Variants in ZFP69B observed in about 807,000 individuals in gnomAD.
ZFP69B encodes the protein ZFP69 zinc finger protein B.
ZFP69B carries 20 observed loss-of-function variants against 19.7 expected under a neutral mutation model. The observed-to-expected ratio is 1.02, with a 90% CI of 0.71 to 1.48. ZFP69B has a LOEUF of 1.48. Among genes scored for constraint, ZFP69B ranks in the 40% most tolerant of loss-of-function variants. The pLI is 0.00. For synonymous variants in ZFP69B, 220 were observed against 222.7 expected (o/e 0.99, Z 0.11); for missense variants, 583 against 632.6 (o/e 0.92, Z 0.84).
chr1:40,457,118 A>G, intron 3 of ZFP69B, 47 bp downstream of exon 3: 1 of 1,579,192 alleles, frequency 6.3e-7, no homozygotes, highest in Non-Finnish European at 8.6e-7. Flanking sequence ...ATTGGATGAA[A>G]ACCTTTGTTT....
At chr1:40,457,633 T>A (rs1396572325) in intron 4 of ZFP69B, among the ~76,000 whole-genome samples, 194 bp downstream of exon 4, 2 of 152,226 alleles carry the variant, frequency 1.3e-5, no homozygotes, top group Non-Finnish European at 2.9e-5. Flanking sequence ...AAGAGATGCC[T>A]TTCTCATCAG....
In ZFP69B at chr1:40,463,301, A is replaced by T; in HGVS notation, c.1317A>T (p.Arg439Ser). The change falls in exon 5 of 5, where the codon AGA becomes AGT. Residue 439 changes from arginine to serine, a missense_variant. Arg to Ser is a moderately radical substitution (Grantham distance 110, BLOSUM62 -1). Transcript: ENST00000361584. ...GTACATACCTAACTCAACACCAGAG[A>T]ACTCATACTGGAGAAAGACCATATA... ...SHSTYLTQHQ[R>S]THTGERPYKC... The T allele has an allele frequency of 1.2e-6, 2 of 1,614,182 alleles. No homozygotes were observed. The highest frequency in any genetic ancestry group is 1.7e-6 in the Non-Finnish European group (2 of 1,180,026).
chr1:40,452,993 T>C (rs1431407139), intron 1 of ZFP69B, among the ~76,000 whole-genome samples: 2 of 147,704 alleles, frequency 1.4e-5, no homozygotes, highest in African/African-American at 5.0e-5. Context: ...TTTTTTTTTT[T>C]CCTGTCACCC....
Position 40,457,366 on chromosome 1 carries a change from C to T in ZFP69B, c.363C>T (p.Gly121=), listed in dbSNP as rs147937201. 1.4e-4 allele frequency: 225 copies of T among 1,614,120 alleles called. 1 individual carries two copies. The highest frequency in any genetic ancestry group is 6.7e-4 in the African/African-American group (50 of 75,032). ...CAGGATGTCAGCTTTCCAAACCTGG[C>T]GTGATTTCCCAGTTGGAGAAAGGAG... ...VSVGCQLSKP[G]VISQLEKGEE... The change falls in exon 4 of 5, where the codon GGC becomes GGT. Residue 121 remains glycine, a synonymous_variant. Transcript: ENST00000361584.
intron 1 of ZFP69B, 98 bp from the exon 2 acceptor site, chr1:40,454,105 G>A (rs553349534): frequency 5.8e-6 from 5 of 856,684 alleles, no homozygotes; most frequent in Admixed American, 3.1e-5. Flanking sequence ...GTTTGTGAAC[G>A]TTTTTGGGGA....
intron 1 of ZFP69B, among the ~76,000 whole-genome samples, chr1:40,451,660 G>T (rs993364184): frequency 7.5e-5 from 11 of 146,814 alleles, no homozygotes; most frequent in Non-Finnish European, 1.1e-4. Context: ...ACGTGGGGGG[G>T]GGGGAATTCA....
chr1:40,451,591 G>A (rs1055942435), intron 1 of ZFP69B, among the ~76,000 whole-genome samples: 2 of 146,314 alleles, frequency 1.4e-5, no homozygotes, highest in South Asian at 2.3e-4. Context: ...CAAACTGATG[G>A]TAACACCTTG....
rs993856477 is a variant in ZFP69B, at chr1:40,450,762, A to C, written c.-200A>C. The stretch of plus-strand genomic sequence containing the variant: ...TACGCCCTGAGAGCCGATGATAGAC[A>C]CAAGTCCAGATCTCGGATTTTGATA... On this transcript the variant is annotated 5_prime_UTR_variant, in exon 1 of 5. Transcript: ENST00000361584. 2 of 434,598 alleles carry C rather than the reference A, an allele frequency of 4.6e-6. No homozygotes were observed. Among genetic ancestry groups the C allele is most frequent in the Non-Finnish European group, 7.4e-6 (2 of 269,354 alleles). The allele number at this position is 434,598 out of a possible 1,614,324, so 26.9% of individuals were successfully genotyped here.
chr1:40,459,325 C>T (rs779675254), intron 4 of ZFP69B, among the ~76,000 whole-genome samples: 2 of 152,206 alleles, frequency 1.3e-5, no homozygotes, highest in Non-Finnish European at 2.9e-5. Context: ...TTATGTATCT[C>T]TGGCATTTAT....
chr1:40,456,639 C>T (rs1272939088), intron 2 of ZFP69B, among the ~76,000 whole-genome samples: 2 of 152,176 alleles, frequency 1.3e-5, no homozygotes, highest in African/African-American at 4.8e-5. Flanking sequence ...TTCTGAACTC[C>T]CCACTTTCCC....
intron 4 of ZFP69B, among the ~76,000 whole-genome samples, chr1:40,461,409 A>G (rs1432304511): frequency 6.6e-6 from 1 of 152,188 alleles, no homozygotes; most frequent in East Asian, 1.9e-4. Flanking sequence ...TAGTGTTTAA[A>G]AGTATTTGAG....
At position 40,457,445 on chromosome 1, in the gene ZFP69B, T is replaced by G; in HGVS notation, c.436+6T>G. ...TTCAGGAGTTCCAAGTTCAGGTAAGTGCAAGGCAGGTGGGGCCTTTGTGAT... is the reference window on the plus strand; with the variant it reads ...TTCAGGAGTTCCAAGTTCAGGTAAGGGCAAGGCAGGTGGGGCCTTTGTGAT... On this transcript the variant is annotated splice_donor_region_variant and intron_variant, in intron 4 of 4. Coordinates refer to ENST00000361584, the MANE Select transcript of ZFP69B (RefSeq NM_023070.3). 6.2e-7 allele frequency: 1 copy of G among 1,613,310 alleles called. No individual in the cohort carries two copies. The highest frequency in any genetic ancestry group is 1.3e-5 in the African/African-American group (1 of 75,024).
chr1:40,460,587 A>G (rs1191648463), intron 4 of ZFP69B, among the ~76,000 whole-genome samples: 2 of 152,142 alleles, frequency 1.3e-5, no homozygotes, highest in East Asian at 1.9e-4. Flanking sequence ...GCTCACGCCT[A>G]TAATCTCAGC....
At position 40,463,042 on chromosome 1, in the gene ZFP69B, A is replaced by G. The variant is rs754826548; in HGVS notation, c.1058A>G (p.His353Arg). Residue 353 changes from histidine (H) to arginine (R), a missense_variant, in exon 5 of 5, where the codon CAT (histidine) becomes CGT (arginine). By Grantham distance (29) the His-to-Arg change is conservative. Coordinates refer to ENST00000361584, the MANE Select transcript of ZFP69B (RefSeq NM_023070.3). ...TFRHPSSLTQ[H>R]VRIHTGEKPY... ...AGACATCCTTCATCGCTTACTCAAC[A>G]TGTTAGAATTCATACCGGGGAAAAG... 4.3e-6 allele frequency: 7 copies of G among 1,613,962 alleles called. No homozygotes were observed. Among genetic ancestry groups the G allele is most frequent in the Admixed American group, 3.3e-5 (2 of 60,020 alleles).
chr1:40,457,001 G>A lies in ZFP69B; in HGVS notation c.270G>A (p.Gln90=), dbSNP rs961151712. 6.2e-7 allele frequency: 1 copy of A among 1,613,972 alleles called. No individual in the cohort carries two copies. Among genetic ancestry groups the A allele is most frequent in the Non-Finnish European group, 8.5e-7 (1 of 1,179,938 alleles). ...SVDFTQEEWG[Q]LAPAHRNLYR... is the part of the protein sequence containing the mutation. ...ACTTCACTCAGGAGGAGTGGGGGCA[G>A]CTGGCCCCTGCTCACCGGAATCTGT... The change falls in exon 3 of 5, where the codon CAG becomes CAA. Residue 90 remains glutamine (Q), a synonymous_variant. Transcript: ENST00000361584.
At chr1:40,456,849 A>G in intron 2 of ZFP69B, 96 bp from the exon 3 acceptor site, 1 of 1,474,276 alleles carries the variant, frequency 6.8e-7, no homozygotes, top group Non-Finnish European at 9.3e-7. Flanking sequence ...GCAAGACAGT[A>G]TCCAGGAAAA....
chr1:40,463,480 G>A lies in ZFP69B; in HGVS notation c.1496G>A (p.Gly499Glu). The change falls in exon 5 of 5, where the codon GGA (glycine) becomes GAA (glutamate). Residue 499 changes from glycine to glutamate, a missense_variant. Physicochemically the swap from Gly to Glu is moderately conservative, Grantham distance 98. Coordinates refer to ENST00000361584, the MANE Select transcript of ZFP69B (RefSeq NM_023070.3). ...GCTAAACATCAGAGAATTCATACTG[G>A]AGAAAAACCTTATGATTGTAATGAG... The part of the protein sequence containing the change: ...SFAKHQRIHT[G>E]EKPYDCNECG... 1 of 1,614,132 alleles carries A rather than the reference G, an allele frequency of 6.2e-7. No homozygotes were observed. The highest frequency in any genetic ancestry group is 8.5e-7 in the Non-Finnish European group (1 of 1,180,018).
chr1:40,451,793 T>C (rs912882867), intron 1 of ZFP69B, among the ~76,000 whole-genome samples: 9 of 152,138 alleles, frequency 5.9e-5, no homozygotes, highest in Non-Finnish European at 8.8e-5. Context: ...GAAAGCTTTT[T>C]ACAGAAAATG....
rs770663716 is a variant in ZFP69B, at chr1:40,457,021, A to T, written c.290A>T (p.Asn97Ile). The change falls in exon 3 of 5, where the codon AAT (asparagine) becomes ATT (isoleucine). Residue 97 changes from asparagine to isoleucine, a missense_variant. Physicochemically the swap from Asn to Ile is moderately radical, Grantham distance 149 (BLOSUM62 -3). Coordinates refer to ENST00000361584, the MANE Select transcript of ZFP69B (RefSeq NM_023070.3). ...EWGQLAPAHR[N>I]LYREVMLENY... Reference sequence around the variant, plus strand: ...GGGCAGCTGGCCCCTGCTCACCGGAATCTGTACCGGGAGGTGATGCTGGAG... The same window carrying T: ...GGGCAGCTGGCCCCTGCTCACCGGATTCTGTACCGGGAGGTGATGCTGGAG... The T allele has an allele frequency of 6.2e-7, 1 of 1,613,628 alleles. No individual in the cohort carries two copies. The highest frequency in any genetic ancestry group is 1.1e-5 in the South Asian group (1 of 90,964).
Sources: allele counts gnomAD v4.1 joint callset (sites outside exome capture counted in the v4.1 genomes callset), GRCh38; gene constraint gnomAD v4.1.1; transcripts MANE v1.5; gene names NCBI Gene and HGNC (gene_info 2026-07-23, HGNC 2026-07-21).